Variants in APCDD1L observed in about 807,000 individuals in gnomAD.
The protein encoded by APCDD1L is APC down-regulated 1 like, also known as protein APCDD1-like.
APCDD1L carries 21 observed loss-of-function variants against 24.2 expected under a neutral mutation model. The ratio of observed to expected loss-of-function variants is 0.87; its 90% confidence interval spans 0.61 to 1.25. The LOEUF (loss-of-function observed/expected upper bound fraction) is 1.25, where lower values mean the gene tolerates loss of function less well. Ranked by LOEUF, APCDD1L falls within the 50% of genes most tolerant of loss-of-function variation. The pLI is 0.00. For synonymous variants in APCDD1L, 321 were observed against 323.6 expected, an observed-to-expected ratio of 0.99 and a Z score of 0.09; for missense variants, 704 against 711.7, an observed-to-expected ratio of 0.99 and a Z score of 0.12.
chr20:58,512,100 C>T (rs1460626888), intron 1 of APCDD1L, among the ~76,000 whole-genome samples: 1 of 152,204 alleles, frequency 6.6e-6, no homozygotes, highest in Non-Finnish European at 1.5e-5. Context: ...TGGGTGACTA[C>T]CCATACCGCA....
At chr20:58,477,949 T>C (rs8124998) in intron 1 of APCDD1L, among the ~76,000 whole-genome samples, 3,757 of 152,340 alleles carry the variant, frequency 0.025, 113 homozygotes, top group African/African-American at 0.071. Flanking sequence ...GTAATTGTGC[T>C]GTAAAGATGT....
Position 58,508,129 on chromosome 20 carries a change from A to G in APCDD1L, c.49+6530T>C, listed in dbSNP as rs954656879. On this transcript the variant is annotated intron_variant, in intron 1 of 3. Transcript: ENST00000371149. This position sits in a 1 kb window ranked among gnomAD's most constrained non-coding sequence, Gnocchi z 4.0. ...TTCCACTGCTAGGTATTTCCACTAAAATTTGCAGGTGAAGGGGAGGCTGGC... is the reference window on the plus strand; with the variant it reads ...TTCCACTGCTAGGTATTTCCACTAAGATTTGCAGGTGAAGGGGAGGCTGGC... Among the ~76,000 whole-genome samples, 1 of 152,200 alleles carries G rather than the reference A, an allele frequency of 6.6e-6. No homozygotes were observed.
intron 1 of APCDD1L, among the ~76,000 whole-genome samples, chr20:58,482,730 C>G (rs984631453): frequency 4.6e-5 from 7 of 152,176 alleles, no homozygotes; most frequent in African/African-American, 1.4e-4. Context: ...GGGGTGATGA[C>G]TGCCTCCATC....
At chr20:58,482,234 GT>G (rs1990038047) in intron 1 of APCDD1L, among the ~76,000 whole-genome samples, 1 of 152,146 alleles carries the variant, frequency 6.6e-6, no homozygotes, top group Non-Finnish European at 1.5e-5. Flanking sequence ...CCTACATCAT[GT>G]TTCGGAAAAC....
At chr20:58,495,637 G>A (rs1344509982) in intron 1 of APCDD1L, among the ~76,000 whole-genome samples, 1 of 152,202 alleles carries the variant, frequency 6.6e-6, no homozygotes. Context: ...GTGGCTTTGG[G>A]TAAGAAGCCT....
At chr20:58,486,725 TACA>T (rs926043644) in intron 1 of APCDD1L, among the ~76,000 whole-genome samples, 6 of 152,152 alleles carry the variant, frequency 3.9e-5, no homozygotes, top group Non-Finnish European at 5.9e-5. Flanking sequence ...AAAATACTCT[TACA>T]ACAACAAGGG....
chr20:58,471,222 C>T (rs1397764375), intron 1 of APCDD1L, among the ~76,000 whole-genome samples: 2 of 152,220 alleles, frequency 1.3e-5, no homozygotes, highest in East Asian at 3.9e-4. Context: ...GAGCAGACCA[C>T]TCCCCTCCAC....
chr20:58,479,209 C>T (rs769082752), intron 1 of APCDD1L, among the ~76,000 whole-genome samples: 14 of 152,100 alleles, frequency 9.2e-5, no homozygotes, highest in Middle Eastern at 3.2e-3. Flanking sequence ...ATATTTTATC[C>T]GGCTCCAAGT....
chr20:58,488,119 C>G (rs937844899), intron 1 of APCDD1L, among the ~76,000 whole-genome samples: 4 of 152,146 alleles, frequency 2.6e-5, no homozygotes, highest in African/African-American at 4.8e-5. Flanking sequence ...ATAAACAACT[C>G]ATACATTTTA....
chr20:58,514,747 C>G lies in APCDD1L; in HGVS notation c.-40G>C, dbSNP rs756496109. 3 of 1,281,062 alleles carry G rather than the reference C, an allele frequency of 2.3e-6. No individual in the cohort carries two copies. The highest frequency in any genetic ancestry group is 3.0e-6 in the Non-Finnish European group (3 of 1,006,906). 79.4% of individuals were successfully genotyped at this position (1,281,062 alleles called of 1,614,324 possible). A position where few individuals can be genotyped will look rare whatever the true frequency, so the allele number is the denominator to read the frequency against. ...CAGGACCGCCCGCCGGGCGCTGCCA[C>G]GGTGCGCAAGGGGAGGCGCGGGCGC... On this transcript the variant is annotated 5_prime_UTR_variant, in exon 1 of 4. Coordinates refer to ENST00000371149, the MANE Select transcript of APCDD1L (RefSeq NM_153360.3).
chr20:58,475,491 T>C (rs529591520), intron 1 of APCDD1L, among the ~76,000 whole-genome samples: 4 of 152,254 alleles, frequency 2.6e-5, no homozygotes, highest in East Asian at 1.9e-4. Context: ...ATATTTGGTA[T>C]TTTAATTATT....
intron 1 of APCDD1L, among the ~76,000 whole-genome samples, chr20:58,506,718 G>C (rs1221560640): frequency 6.6e-6 from 1 of 152,210 alleles, no homozygotes; most frequent in Admixed American, 6.5e-5. Flanking sequence ...GTTTTAAAAA[G>C]CTGTTCTTGT....
intron 1 of APCDD1L, among the ~76,000 whole-genome samples, chr20:58,505,786 G>T (rs1293094688): frequency 2.0e-5 from 3 of 152,084 alleles, no homozygotes; most frequent in African/African-American, 7.2e-5. Flanking sequence ...ATTAAAATGA[G>T]GTCCTACTGG....
intron 1 of APCDD1L, among the ~76,000 whole-genome samples, chr20:58,481,601 G>A (rs1223701706): frequency 6.6e-6 from 1 of 152,226 alleles, no homozygotes; most frequent in African/African-American, 2.4e-5. Flanking sequence ...GATGTCGGGG[G>A]TGACTGGGAG....
chr20:58,514,557 C>T, intron 1 of APCDD1L, 102 bp downstream of exon 1: 1 of 1,162,878 alleles, frequency 8.6e-7, no homozygotes. Context: ...CGTGGGCCGA[C>T]CCAGGGCCGT....
At chr20:58,486,086 C>G (rs1352222607) in intron 1 of APCDD1L, among the ~76,000 whole-genome samples, 1 of 152,132 alleles carries the variant, frequency 6.6e-6, no homozygotes, top group African/African-American at 2.4e-5. Context: ...ACCCAATACA[C>G]AAGTAAGCAA....
chr20:58,470,591 G>C lies in APCDD1L; in HGVS notation c.188+18C>G. 6.3e-7 allele frequency: 1 copy of C among 1,579,848 alleles called. No individual in the cohort carries two copies. The highest frequency in any genetic ancestry group is 8.6e-7 in the Non-Finnish European group (1 of 1,162,180). ...TCCCAGTCCAGGGGTCCATGGTCAG[G>C]ATGACCTGAAGTCTTACCCTGTGGA... On this transcript the variant is annotated intron_variant, in intron 2 of 3. Coordinates refer to ENST00000371149, the MANE Select transcript of APCDD1L (RefSeq NM_153360.3).
chr20:58,467,684 G>C lies in APCDD1L; in HGVS notation c.189-26C>G, dbSNP rs780967137. The C allele has an allele frequency of 6.9e-7, 1 of 1,455,308 alleles. No individual in the cohort carries two copies. The highest frequency in any genetic ancestry group is 9.1e-7 in the Non-Finnish European group (1 of 1,102,552). The allele number at this position is 1,455,308 out of a possible 1,614,324, so 90.1% of individuals were successfully genotyped here. A position where few individuals can be genotyped will look rare whatever the true frequency, so the allele number is the denominator to read the frequency against. ...CTGCAGGGGTGGAAGGAGATGGGCT[G>C]GGTGCAGAGGGAACACCGCGCCGCG... is the stretch of plus-strand genomic sequence containing the variant. On this transcript the variant is annotated intron_variant, in intron 2 of 3. Transcript: ENST00000371149. The surrounding 1 kb of genome is among the most constrained non-coding windows in gnomAD (Gnocchi z 5.9).
intron 1 of APCDD1L, among the ~76,000 whole-genome samples, chr20:58,507,529 A>G: frequency 6.6e-6 from 1 of 150,920 alleles, no homozygotes; most frequent in East Asian, 1.9e-4. Flanking sequence ...ACCCACCCAC[A>G]CCCCCACACA....
Sources: allele counts gnomAD v4.1 joint callset (sites outside exome capture counted in the v4.1 genomes callset), GRCh38; gene constraint gnomAD v4.1.1; non-coding constraint Gnocchi (gnomAD v3.1); transcripts MANE v1.5; gene names NCBI Gene and HGNC (gene_info 2026-07-23, HGNC 2026-07-21).